LPAR6: variants seen among roughly 807,000 people sequenced by gnomAD.
LPAR6 encodes G-protein coupled purinergic receptor P2Y5.
A neutral mutation model predicts 22.0 loss-of-function variants in LPAR6; 17 were observed. The ratio of observed to expected loss-of-function variants is 0.77; its 90% confidence interval spans 0.53 to 1.16. The LOEUF (loss-of-function observed/expected upper bound fraction) is 1.16. Ranked by LOEUF, LPAR6 falls within the 50% of genes most tolerant of loss-of-function variation. LPAR6 has a pLI of 0.00. For missense variants in LPAR6, 384 were observed against 406.9 expected, an observed-to-expected ratio of 0.94 and a Z score of 0.48; for synonymous variants, 136 against 139.8, an observed-to-expected ratio of 0.97 and a Z score of 0.19.
At chr13:48,423,688 AAG>A (rs1949040627) in intron 1 of LPAR6, among the ~76,000 whole-genome samples, 1 of 152,222 alleles carries the variant, frequency 6.6e-6, no homozygotes, top group South Asian at 2.1e-4. Context: ...AAAAAGAAAA[AAG>A]AAAAAAATCA....
At chr13:48,426,005 T>A (rs989869475) in intron 1 of LPAR6, among the ~76,000 whole-genome samples, 3 of 152,178 alleles carry the variant, frequency 2.0e-5, no homozygotes, top group African/African-American at 4.8e-5. Flanking sequence ...CTTATACATG[T>A]TTGTATAATG....
downstream of LPAR6, chr13:48,408,635 A>G (rs1490808245): frequency 6.6e-6 from 1 of 152,158 alleles, no homozygotes; most frequent in Non-Finnish European, 1.5e-5. Flanking sequence ...ACAAAGTACA[A>G]CACTAGCAAA....
In LPAR6 at chr13:48,411,284, G is replaced by A; in HGVS notation, c.*105C>T. The A allele has an allele frequency of 5.6e-6, 5 of 899,394 alleles. No homozygotes were observed. In the Admixed American group the frequency reaches 7.0e-5, roughly 13 times the overall value. The allele number at this position is 899,394 out of a possible 1,614,324, so 55.7% of individuals were successfully genotyped here. On this transcript the variant is annotated 3_prime_UTR_variant, in exon 1 of 1. Transcript: ENST00000620633. ...ATACTAAAGACTTTAAAATGTCCAT[G>A]TGTTAATTTCTTTTGGAGGTGGAAA... is the stretch of plus-strand genomic sequence containing the variant.
intron 1 of LPAR6, among the ~76,000 whole-genome samples, chr13:48,432,205 G>A (rs976401637): frequency 2.6e-5 from 4 of 152,020 alleles, no homozygotes; most frequent in African/African-American, 7.2e-5. Flanking sequence ...GTTGTCTCAG[G>A]GAATTAACCT....
At chr13:48,391,118 C>T (rs948485406) in intron 1 of LPAR6, among the ~76,000 whole-genome samples, 1 of 151,908 alleles carries the variant, frequency 6.6e-6, no homozygotes, top group Non-Finnish European at 1.5e-5. Flanking sequence ...GTCTATACTT[C>T]TTTATTTTGT....
At chr13:48,429,764 C>G (rs1334433957), upstream of LPAR6, among the ~76,000 whole-genome samples, 1 of 151,884 alleles carries the variant, frequency 6.6e-6, no homozygotes, top group Non-Finnish European at 1.5e-5. Context: ...ATTTATGTAC[C>G]AGCAGTAATC....
chr13:48,396,874 G>A (rs1331388536), intron 1 of LPAR6, among the ~76,000 whole-genome samples: 1 of 152,066 alleles, frequency 6.6e-6, no homozygotes, highest in Non-Finnish European at 1.5e-5. Context: ...TATTTATGTG[G>A]CCAACAAACA....
chr13:48,433,262 T>C (rs909253361), intron 1 of LPAR6, among the ~76,000 whole-genome samples: 1 of 152,164 alleles, frequency 6.6e-6, no homozygotes, highest in African/African-American at 2.4e-5. Flanking sequence ...TTTATGAGTA[T>C]ACCTGGGTAA....
intron 2 of LPAR6, among the ~76,000 whole-genome samples, chr13:48,419,821 T>G (rs1418999087): frequency 6.6e-6 from 1 of 152,100 alleles, no homozygotes; most frequent in Non-Finnish European, 1.5e-5. Context: ...ACATACACCC[T>G]CCCAAGAGTA....
At chr13:48,428,611 A>T (rs1300977453), upstream of LPAR6, among the ~76,000 whole-genome samples, 1 of 152,262 alleles carries the variant, frequency 6.6e-6, no homozygotes, top group East Asian at 1.9e-4. Context: ...CAGACTTTTT[A>T]AAACACTAAA....
intron 1 of LPAR6, among the ~76,000 whole-genome samples, chr13:48,395,924 T>C (rs1226262947): frequency 6.6e-6 from 1 of 152,064 alleles, no homozygotes; most frequent in Non-Finnish European, 1.5e-5. Flanking sequence ...CCAGGACATA[T>C]AATCGTCAGA....
chr13:48,443,205 T>TA (rs575202760), intron 1 of LPAR6, among the ~76,000 whole-genome samples: 19 of 151,460 alleles, frequency 1.3e-4, no homozygotes, highest in African/African-American at 4.1e-4. Flanking sequence ...TTGAAAGACT[T>TA]AAAAAAAATG....
At chr13:48,423,518 C>T (rs1949037490) in intron 1 of LPAR6, among the ~76,000 whole-genome samples, 1 of 152,144 alleles carries the variant, frequency 6.6e-6, no homozygotes, top group Admixed American at 6.5e-5. Flanking sequence ...CAATAGCATT[C>T]TTCTTTAAAA....
chr13:48,442,363 G>A (rs1353829037), intron 1 of LPAR6, among the ~76,000 whole-genome samples: 1 of 152,056 alleles, frequency 6.6e-6, no homozygotes, highest in Non-Finnish European at 1.5e-5. Context: ...ACCATGCCCG[G>A]CTAATTTTTT....
downstream of LPAR6, among the ~76,000 whole-genome samples, chr13:48,410,857 C>A (rs542528630): frequency 2.6e-5 from 4 of 152,232 alleles, no homozygotes; most frequent in South Asian, 8.3e-4. Flanking sequence ...AATATGTCAT[C>A]ATTTCTACAG....
At chr13:48,414,054 A>G (rs1479809567), upstream of LPAR6, among the ~76,000 whole-genome samples, 2 of 152,080 alleles carry the variant, frequency 1.3e-5, no homozygotes, top group Non-Finnish European at 2.9e-5. Context: ...TTTAAAGTAT[A>G]CTCATATTTT....
chr13:48,424,344 C>T (rs1007569885), intron 1 of LPAR6, among the ~76,000 whole-genome samples: 4 of 151,918 alleles, frequency 2.6e-5, no homozygotes, highest in African/African-American at 9.7e-5. Flanking sequence ...TACTTTTTAC[C>T]GGAATGTGAG....
chr13:48,435,672 T>A (rs1261806948), intron 1 of LPAR6, among the ~76,000 whole-genome samples: 2 of 152,152 alleles, frequency 1.3e-5, no homozygotes, highest in African/African-American at 2.4e-5. Context: ...CTTAAAAAAT[T>A]ATAGTTTCAC....
At position 48,411,614 on chromosome 13, in the gene LPAR6, C is replaced by G; in HGVS notation, c.810G>C (p.Arg270Ser). ...FVNCSVVAAVRTMYPITLCIA... is the reference protein window; with the variant it reads ...FVNCSVVAAVSTMYPITLCIA... ...TACAGAGAGTGATTGGGTACATTGT[C>G]CTTACTGCTGCCACTACTGAGCAAT... Residue 270 changes from arginine (R) to serine (S), a missense_variant, in exon 1 of 1, where the codon AGG becomes AGC. By Grantham distance (110) the Arg-to-Ser change is moderately radical. Transcript: ENST00000620633. 1 of 1,612,308 alleles carries G rather than the reference C, an allele frequency of 6.2e-7. No homozygotes were observed. The highest frequency in any genetic ancestry group is 8.5e-7 in the Non-Finnish European group (1 of 1,178,580).
Sources: gnomAD v4.1 joint callset for allele counts (sites outside exome capture counted in the v4.1 genomes callset) on GRCh38, gnomAD v4.1.1 for gene constraint, MANE v1.5 for transcripts, NCBI Gene and HGNC (gene_info 2026-07-23, HGNC 2026-07-21) for gene names.